Variants in RP1 observed in about 807,000 individuals in gnomAD.
The protein encoded by RP1 is oxygen-regulated protein 1.
In RP1, 16 loss-of-function variants were observed where a neutral mutation model predicts 14.8. The observed-to-expected ratio is 1.08, with a 90% CI of 0.73 to 1.65. The LOEUF is 1.65. RP1 is among the 40% of genes most tolerant of loss of function. The probability of loss-of-function intolerance (pLI) is 0.00; values close to 1 mark genes in which losing one functional copy is unlikely to be tolerated. For synonymous variants in RP1, 876 were observed against 883.6 expected (o/e 0.99, Z 0.15); for missense variants, 2,631 against 2,535.0 (o/e 1.04, Z -0.81).
chr8:54,801,949 A>G (rs1230754516), intron 24 of RP1, among the ~76,000 whole-genome samples: 1 of 151,872 alleles, frequency 6.6e-6, no homozygotes, highest in Non-Finnish European at 1.5e-5. Flanking sequence ...CTGTCTTCCA[A>G]CTCTCTACAT....
downstream of RP1, chr8:54,770,143 C>T (rs2129374557): frequency 5.0e-6 from 2 of 403,116 alleles, 1 homozygote. Flanking sequence ...AAATCATCAA[C>T]CTAAAATACA....
At chr8:54,599,017 A>G (rs866359348) in intron 1 of RP1, among the ~76,000 whole-genome samples, 1 of 152,160 alleles carries the variant, frequency 6.6e-6, no homozygotes, top group Non-Finnish European at 1.5e-5. Flanking sequence ...TTTTTGCTAA[A>G]TAAGTTTTCA....
At chr8:54,732,558 A>G (rs1052990382) in intron 17 of RP1, among the ~76,000 whole-genome samples, 2 of 152,128 alleles carry the variant, frequency 1.3e-5, no homozygotes, top group Non-Finnish European at 2.9e-5. Flanking sequence ...TTTTAGATGA[A>G]TAAGATATCC....
chr8:54,847,175 A>T (rs185503364), intron 25 of RP1, among the ~76,000 whole-genome samples: 27 of 152,076 alleles, frequency 1.8e-4, no homozygotes, highest in African/African-American at 6.5e-4. Context: ...AGAAAAGGGA[A>T]TTTTTTCTCC....
intron 25 of RP1, among the ~76,000 whole-genome samples, chr8:54,847,914 C>G (rs1459444590): frequency 6.6e-6 from 1 of 152,230 alleles, no homozygotes; most frequent in African/African-American, 2.4e-5. Flanking sequence ...CAAACAGCTG[C>G]TGCTTCTCTT....
At chr8:54,859,742 C>A (rs922145695) in intron 27 of RP1, among the ~76,000 whole-genome samples, 1 of 152,010 alleles carries the variant, frequency 6.6e-6, no homozygotes, top group Non-Finnish European at 1.5e-5. Flanking sequence ...AGTGTGGTGC[C>A]TTTTAGATTA....
chr8:54,708,392 T>G (rs1429371537), intron 15 of RP1, among the ~76,000 whole-genome samples: 1 of 151,394 alleles, frequency 6.6e-6, no homozygotes, highest in Non-Finnish European at 1.5e-5. Context: ...AGTCTCACTC[T>G]GTTGCCCAGG....
At chr8:54,612,715 C>T (rs1490644091), upstream of RP1, among the ~76,000 whole-genome samples, 1 of 152,222 alleles carries the variant, frequency 6.6e-6, no homozygotes, top group Non-Finnish European at 1.5e-5. Flanking sequence ...CCAACGGCTA[C>T]AGACCCTGTA....
At chr8:54,674,490 A>T (rs1053678708) in intron 8 of RP1, among the ~76,000 whole-genome samples, 1 of 150,828 alleles carries the variant, frequency 6.6e-6, no homozygotes, top group Non-Finnish European at 1.5e-5. Flanking sequence ...AACAAAAGAC[A>T]GACTACTAGA....
chr8:54,672,974 T>C (rs1807211525), intron 7 of RP1, among the ~76,000 whole-genome samples: 1 of 152,212 alleles, frequency 6.6e-6, no homozygotes, highest in African/African-American at 2.4e-5. Flanking sequence ...GATAAAGGGA[T>C]AACAATGTTA....
Position 54,626,757 on chromosome 8 carries a change from A to G in RP1, c.2875A>G (p.Thr959Ala), listed in dbSNP as rs1364484279. Residue 959 changes from threonine to alanine, a missense_variant, in exon 4 of 4, where the codon ACA becomes GCA. Physicochemically the swap from Thr to Ala is moderately conservative, Grantham distance 58 (BLOSUM62 0). Transcript: ENST00000220676. Reference protein sequence around the residue: ...NNSFSGNDPHTNSGKISNFVM... With the variant: ...NNSFSGNDPHANSGKISNFVM... ...TAGTTTTTCAGGGAATGATCCCCAT[A>G]CAAATTCTGGAAAAATAAGTAATTT... 1 of 1,613,798 alleles carries G rather than the reference A, an allele frequency of 6.2e-7. No individual in the cohort carries two copies. Among genetic ancestry groups the G allele is most frequent in the East Asian group, 2.2e-5 (1 of 44,870 alleles).
Position 54,630,648 on chromosome 8 carries a change from A to C in RP1, c.*295A>C. 8.4e-7 allele frequency: 1 copy of C among 1,184,066 alleles called. No homozygotes were observed. The highest frequency in any genetic ancestry group is 2.0e-5 in the South Asian group (1 of 49,918). The allele number at this position is 1,184,066 out of a possible 1,614,324, so 73.3% of individuals were successfully genotyped here. A position where few individuals can be genotyped will look rare whatever the true frequency, so the allele number is the denominator to read the frequency against. ...TGATTTTTTTTGCTCAGGGCATCAA[A>C]ATGTGCTAAGGACAAGAATTATATC... is the stretch of plus-strand genomic sequence containing the variant. On this transcript the variant is annotated 3_prime_UTR_variant, in exon 4 of 4. Transcript: ENST00000220676.
upstream of RP1, among the ~76,000 whole-genome samples, chr8:54,614,485 T>A (rs73679493): frequency 0.073 from 11,019 of 151,964 alleles, 1,263 homozygotes; most frequent in African/African-American, 0.24. Context: ...AGTCAACCAC[T>A]GCAGCAAGAT....
At chr8:54,686,388 GT>G (rs34796652) in intron 12 of RP1, among the ~76,000 whole-genome samples, 28 of 147,692 alleles carry the variant, frequency 1.9e-4, no homozygotes, top group Admixed American at 3.4e-4. Context: ...TCCAGAAAAA[GT>G]TTTTTTTTTT....
At chr8:54,786,968 A>G (rs890112831) in intron 24 of RP1, among the ~76,000 whole-genome samples, 2 of 152,296 alleles carry the variant, frequency 1.3e-5, no homozygotes, top group South Asian at 2.1e-4. Flanking sequence ...TTCCTTTTAT[A>G]TAACTGTTCA....
At chr8:54,680,033 C>T in intron 12 of RP1, 4 of 1,414,706 alleles carry the variant, frequency 2.8e-6, no homozygotes, top group Non-Finnish European at 3.7e-6. Context: ...GTTCTTTTTA[C>T]AGATGGCTTT....
chr8:54,625,872 A>G lies in RP1; in HGVS notation c.1990A>G (p.Ile664Val), dbSNP rs772037478. ...LTKLPKNEKK[I>V]LSSVASKKKK... Reference sequence around the variant, plus strand: ...AAAACTTCCAAAAAATGAAAAGAAGATTTTGTCATCTGTTGCCAGCAAAAA... The same window carrying G: ...AAAACTTCCAAAAAATGAAAAGAAGGTTTTGTCATCTGTTGCCAGCAAAAA... The change falls in exon 4 of 4, where the codon ATT becomes GTT. Residue 664 changes from isoleucine (I) to valine (V), a missense_variant. Transcript: ENST00000220676. The G allele has an allele frequency of 1.9e-6, 3 of 1,613,736 alleles. No individual in the cohort carries two copies. The highest frequency in any genetic ancestry group is 2.7e-5 in the African/African-American group (2 of 74,932).
chr8:54,800,659 T>C (rs1810683716), intron 24 of RP1, among the ~76,000 whole-genome samples: 2 of 152,232 alleles, frequency 1.3e-5, no homozygotes, highest in Admixed American at 6.5e-5. Context: ...GAATTCTTCA[T>C]CCTTGTAACT....
chr8:54,658,216 A>G lies in RP1; in HGVS notation c.1171+2001A>G, dbSNP rs201247941. Among the ~76,000 whole-genome samples, 5 of 152,326 alleles carry G rather than the reference A, an allele frequency of 3.3e-5. No homozygotes were observed. In the East Asian group the frequency reaches 7.7e-4, roughly 24 times the overall value. On this transcript the variant is annotated intron_variant, in intron 6 of 22. Coordinates refer to the RP1 transcript ENST00000636932. ...GTGACTGGTTTATTTTACCTAATGTAATGTCTATGGTATACCATGTTAACA... is the reference window on the plus strand; with the variant it reads ...GTGACTGGTTTATTTTACCTAATGTGATGTCTATGGTATACCATGTTAACA...
Sources: allele counts gnomAD v4.1 joint callset (sites outside exome capture counted in the v4.1 genomes callset), GRCh38; gene constraint gnomAD v4.1.1; transcripts MANE v1.5; gene names NCBI Gene and HGNC (gene_info 2026-07-23, HGNC 2026-07-21).